Variants in CDH18 observed in about 807,000 individuals in gnomAD.
CDH18 encodes the protein cadherin-18.
Under a neutral mutation model 67.9 loss-of-function variants are expected in CDH18, and 31 were observed. The observed-to-expected ratio is 0.46, with a 90% CI of 0.34 to 0.62. The LOEUF (loss-of-function observed/expected upper bound fraction) is 0.62, where lower values mean the gene tolerates loss of function less well. CDH18 is among the 20% of genes least tolerant of loss of function. CDH18 has a pLI of 0.01. For missense variants in CDH18, 890 were observed against 975.5 expected, an observed-to-expected ratio of 0.91 and a Z score of 1.17; for synonymous variants, 362 against 347.2, an observed-to-expected ratio of 1.04 and a Z score of -0.48.
chr5:19,662,146 T>TA (rs1402797240), intron 5 of CDH18, among the ~76,000 whole-genome samples: 1 of 151,634 alleles, frequency 6.6e-6, no homozygotes, highest in Non-Finnish European at 1.5e-5. Flanking sequence ...AGATGACTTT[T>TA]TTTTTTTTAA....
intron 1 of CDH18, among the ~76,000 whole-genome samples, chr5:20,494,328 A>G (rs553066107): frequency 6.6e-6 from 1 of 152,268 alleles, no homozygotes; most frequent in African/African-American, 2.4e-5. Flanking sequence ...GCAGAGAGGG[A>G]TAAGAGAAGA....
chr5:20,380,352 C>A (rs919014156), intron 1 of CDH18, among the ~76,000 whole-genome samples: 3 of 152,134 alleles, frequency 2.0e-5, no homozygotes, highest in African/African-American at 7.2e-5. Context: ...ATAAGTACCT[C>A]AATGGACTGT....
chr5:20,170,432 T>G (rs995187254), intron 2 of CDH18, among the ~76,000 whole-genome samples: 5 of 152,080 alleles, frequency 3.3e-5, no homozygotes, highest in Non-Finnish European at 7.4e-5. Context: ...TATTTACATA[T>G]TTTTCTTTAC....
In CDH18 at chr5:19,790,386, C is replaced by G. The variant is rs148947915; in HGVS notation, c.229-43150G>C. Among the ~76,000 whole-genome samples, 129 of 152,094 alleles carry G rather than the reference C, an allele frequency of 8.5e-4. 1 individual carries two copies. The highest frequency in any genetic ancestry group is 2.6e-3 in the African/African-American group (107 of 41,500). On this transcript the variant is annotated intron_variant, in intron 3 of 12. Coordinates refer to ENST00000382275, the MANE Select transcript of CDH18 (RefSeq NM_004934.5). Reference sequence around the variant, plus strand: ...TGATTTTTAGATTATATACTATGTGCGAGTGCTTGGCTATTTGCTGTCTAT... The same window carrying G: ...TGATTTTTAGATTATATACTATGTGGGAGTGCTTGGCTATTTGCTGTCTAT...
intron 2 of CDH18, among the ~76,000 whole-genome samples, chr5:20,092,289 C>A (rs1052218680): frequency 1.3e-5 from 2 of 152,086 alleles, no homozygotes; most frequent in African/African-American, 4.8e-5. Context: ...TTTGAAAAAA[C>A]AAACATAAAA....
intron 1 of CDH18, among the ~76,000 whole-genome samples, chr5:20,488,660 G>C (rs1462952921): frequency 8.0e-6 from 1 of 125,042 alleles, no homozygotes; most frequent in Non-Finnish European, 1.7e-5. Flanking sequence ...TTTTTGGTTG[G>C]AGGGGTAGTG....
chr5:19,660,806 G>C (rs1757048367), intron 5 of CDH18, among the ~76,000 whole-genome samples: 1 of 151,910 alleles, frequency 6.6e-6, no homozygotes, highest in Admixed American at 6.6e-5. Context: ...ATAATACATA[G>C]CTAGCACTTT....
intron 2 of CDH18, among the ~76,000 whole-genome samples, chr5:20,006,448 G>T (rs1048956551): frequency 6.6e-6 from 1 of 151,788 alleles, no homozygotes; most frequent in Non-Finnish European, 1.5e-5. Context: ...TTAAATATTT[G>T]GAACTGTTAG....
intron 10 of CDH18, among the ~76,000 whole-genome samples, chr5:19,508,193 T>C (rs1057026068): frequency 1.1e-4 from 16 of 152,160 alleles, no homozygotes; most frequent in African/African-American, 3.6e-4. Context: ...TTTCATCATG[T>C]AATAGAATTT....
intron 1 of CDH18, among the ~76,000 whole-genome samples, chr5:20,368,297 C>A (rs1742686737): frequency 6.6e-6 from 1 of 152,130 alleles, no homozygotes. Flanking sequence ...TAGATGAAGA[C>A]TATTTTATTT....
At chr5:20,304,487 A>G (rs781002391) in intron 1 of CDH18, 116 of 1,588,606 alleles carry the variant, frequency 7.3e-5, no homozygotes, top group Non-Finnish European at 9.8e-5. Flanking sequence ...TTGGCCCTCC[A>G]ATGGTTTAGT....
At chr5:19,969,239 G>C (rs1315671334) in intron 2 of CDH18, among the ~76,000 whole-genome samples, 2 of 144,320 alleles carry the variant, frequency 1.4e-5, no homozygotes, top group Non-Finnish European at 3.0e-5. Context: ...CTTTTACACT[G>C]TTGGTGGGAC....
rs890559106 is a variant in CDH18, at chr5:19,635,997, G to C, written c.644-23396C>G. ...TAAAGAAAAATTTCGTCTTAGTAAAGTGCCGATGAATTGTGAAATACTACC... is the reference window on the plus strand; with the variant it reads ...TAAAGAAAAATTTCGTCTTAGTAAACTGCCGATGAATTGTGAAATACTACC... On this transcript the variant is annotated intron_variant, in intron 5 of 12. Transcript: ENST00000382275. 7.9e-5 allele frequency among the ~76,000 whole-genome samples: 12 copies of C among 152,222 alleles called. No individual in the cohort carries two copies. The South Asian group carries it at 2.3e-3, about 29-fold the overall frequency.
chr5:19,667,107 G>GTTA (rs1238472010), intron 5 of CDH18, among the ~76,000 whole-genome samples: 1 of 151,626 alleles, frequency 6.6e-6, no homozygotes, highest in Non-Finnish European at 1.5e-5. Flanking sequence ...ATATGTGTTT[G>GTTA]TTATTAAATA....
chr5:20,242,603 A>ATATATATATAT (rs1561905746), intron 2 of CDH18, among the ~76,000 whole-genome samples: 7 of 88,570 alleles, frequency 7.9e-5, no homozygotes, highest in East Asian at 3.1e-4. Flanking sequence ...AGGGAAAAAA[A>ATATATATATAT]AAAAAAAAAT....
chr5:20,491,354 C>T (rs986375459), intron 1 of CDH18, among the ~76,000 whole-genome samples: 1 of 152,044 alleles, frequency 6.6e-6, no homozygotes, highest in Non-Finnish European at 1.5e-5. Context: ...TAATTCTTAA[C>T]TGTAAAACAG....
At position 20,483,212 on chromosome 5, in the gene CDH18, A is replaced by G. The variant is rs553046382; in HGVS notation, c.-580+92250T>C. 8.1e-4 allele frequency among the ~76,000 whole-genome samples: 123 copies of G among 152,038 alleles called. 1 individual carries two copies. The highest frequency in any genetic ancestry group is 1.4e-3 in the Non-Finnish European group (97 of 67,924). On this transcript the variant is annotated intron_variant, in intron 1 of 14. Transcript: ENST00000507958. ...AATACCTAGGAAAAAACTTAACCAA[A>G]TAAGTGAGAGATATTTAAAATAAAA...
chr5:20,139,752 T>A (rs995875231), intron 2 of CDH18, among the ~76,000 whole-genome samples: 1 of 151,960 alleles, frequency 6.6e-6, no homozygotes, highest in Middle Eastern at 3.2e-3. Context: ...GAAATGCAAA[T>A]CAAAACCACA....
chr5:20,006,213 TA>T (rs1736892849), intron 2 of CDH18, among the ~76,000 whole-genome samples: 1 of 151,808 alleles, frequency 6.6e-6, no homozygotes, highest in African/African-American at 2.4e-5. Flanking sequence ...CATAAAGGCA[TA>T]GACTAGAAGA....
Sources: allele counts gnomAD v4.1 joint callset (sites outside exome capture counted in the v4.1 genomes callset), GRCh38; gene constraint gnomAD v4.1.1; transcripts MANE v1.5; gene names NCBI Gene and HGNC (gene_info 2026-07-23, HGNC 2026-07-21).